The following IQSEC1 variants were observed in gnomAD, a reference collection of about 807,000 sequenced individuals.
IQSEC1 encodes IQ motif and Sec7 domain ArfGEF 1, also known as IQ motif and SEC7 domain-containing protein 1.
A neutral mutation model predicts 91.0 loss-of-function variants in IQSEC1; 31 were observed. That is an observed-to-expected ratio of 0.34 (90% CI 0.26 to 0.46). The LOEUF is 0.46. Ranked by LOEUF, IQSEC1 falls within the 20% of genes least tolerant of loss-of-function variation. The pLI is 1.00. For synonymous variants in IQSEC1, 699 were observed against 662.6 expected (o/e 1.05, Z -0.84); for missense variants, 1,388 against 1,575.6 (o/e 0.88, Z 2.02).
chr3:13,157,436 G>A (rs1469948205), intron 2 of IQSEC1, among the ~76,000 whole-genome samples: 1 of 152,158 alleles, frequency 6.6e-6, no homozygotes. Context: ...TCTGAAAGCA[G>A]GCTGAGGGTA....
chr3:13,185,462 C>T (rs1693914707), intron 1 of IQSEC1, among the ~76,000 whole-genome samples: 1 of 152,214 alleles, frequency 6.6e-6, no homozygotes, highest in African/African-American at 2.4e-5. Context: ...TTGTTCTCCA[C>T]AGGGTCCTGT....
chr3:13,278,052 C>T (rs1389798779), intron 1 of IQSEC1, among the ~76,000 whole-genome samples: 1 of 152,206 alleles, frequency 6.6e-6, no homozygotes, highest in Non-Finnish European at 1.5e-5. Flanking sequence ...ACTGACGTGC[C>T]GCCGTACGGT....
At chr3:13,036,944 G>T (rs2125025799) in intron 1 of IQSEC1, among the ~76,000 whole-genome samples, 1 of 152,290 alleles carries the variant, frequency 6.6e-6, no homozygotes, top group Non-Finnish European at 1.5e-5. Context: ...GTCAGCGTGT[G>T]GGCAGAGTTC....
rs1695816331 is a variant in IQSEC1, at chr3:13,282,603, A to G, written c.272+108T>C. Among the ~76,000 whole-genome samples the G allele has an allele frequency of 6.6e-6, 1 of 151,202 alleles. No homozygotes were observed. The highest frequency in any genetic ancestry group is 2.4e-5 in the African/African-American group (1 of 41,104). On this transcript the variant is annotated intron_variant, in intron 1 of 15. Coordinates refer to the IQSEC1 transcript ENST00000648114. This position sits in a 1 kb window ranked among gnomAD's most constrained non-coding sequence, Gnocchi z 6.4. The stretch of plus-strand genomic sequence containing the variant: ...GGGTGTGGGCGCTCCCGGGCCGGCC[A>G]CGCGCCCTCCCGCACCCGCCCACCT...
intron 1 of IQSEC1, among the ~76,000 whole-genome samples, chr3:13,068,430 G>A (rs555819786): frequency 6.6e-6 from 1 of 152,332 alleles, no homozygotes; most frequent in East Asian, 1.9e-4. Context: ...CCTGGGCCCT[G>A]GCCTTGCAAA....
chr3:12,972,626 G>C (rs924734800), intron 1 of IQSEC1, among the ~76,000 whole-genome samples: 16 of 152,220 alleles, frequency 1.1e-4, no homozygotes, highest in African/African-American at 3.9e-4. Flanking sequence ...GGGTCTGCGA[G>C]GGAGCTCTGC....
At chr3:13,093,449 A>G (rs758459221) in intron 2 of IQSEC1, among the ~76,000 whole-genome samples, 1 of 152,014 alleles carries the variant, frequency 6.6e-6, no homozygotes, top group Non-Finnish European at 1.5e-5. Context: ...AGCTTCCTCC[A>G]CAGGAGGAGC....
intron 1 of IQSEC1, among the ~76,000 whole-genome samples, chr3:13,271,869 C>G (rs1695595851): frequency 6.6e-6 from 1 of 152,118 alleles, no homozygotes. Flanking sequence ...ACCTCACTTT[C>G]AATAATAAAC....
intron 2 of IQSEC1, among the ~76,000 whole-genome samples, chr3:13,107,887 C>T (rs539894261): frequency 1.1e-4 from 17 of 152,378 alleles, no homozygotes; most frequent in Admixed American, 6.5e-4. Context: ...ACTTGCTGAG[C>T]TCATGCCTGC....
intron 2 of IQSEC1, among the ~76,000 whole-genome samples, chr3:13,149,823 A>C (rs1429941925): frequency 6.6e-6 from 1 of 152,198 alleles, no homozygotes; most frequent in Non-Finnish European, 1.5e-5. Context: ...GATACCACAG[A>C]GGGACCCCTG....
chr3:13,105,409 G>A (rs1021469533), intron 2 of IQSEC1, among the ~76,000 whole-genome samples: 9 of 152,110 alleles, frequency 5.9e-5, no homozygotes, highest in Non-Finnish European at 1.0e-4. Flanking sequence ...GACAGATGCC[G>A]CTCAGGGACA....
rs1487453410 is a variant in IQSEC1, at chr3:12,906,008, GC to G, written c.2755+2340del. Among the ~76,000 whole-genome samples, 3 of 152,232 alleles carry G rather than the reference GC, an allele frequency of 2.0e-5. No homozygotes were observed. The East Asian group carries it at 5.8e-4, about 29-fold the overall frequency. Reference sequence around the variant, plus strand: ...ACGCCAGGCAATGCACTGCAGTGGGGCCGGCGCCAGCCCCCTTCCCTCTAAC... The same window carrying G: ...ACGCCAGGCAATGCACTGCAGTGGGGCGGCGCCAGCCCCCTTCCCTCTAAC... On this transcript the variant is annotated intron_variant, in intron 12 of 13. Transcript: ENST00000613206.
chr3:12,967,976 C>T lies in IQSEC1; in HGVS notation c.24-26111G>A, dbSNP rs1700711944. ...AGGCGCGGGGTGCAGAGCGCAAGGG[C>T]GGAGTCCCAGACACTGCATCCAGGT... On this transcript the variant is annotated intron_variant, in intron 1 of 13. Transcript: ENST00000613206. The surrounding 1 kb of genome is among the most constrained non-coding windows in gnomAD (Gnocchi z 5.9). Among the ~76,000 whole-genome samples, 1 of 152,154 alleles carries T rather than the reference C, an allele frequency of 6.6e-6. No individual in the cohort carries two copies.
chr3:13,163,688 G>T (rs1693397616), intron 2 of IQSEC1, among the ~76,000 whole-genome samples: 1 of 152,178 alleles, frequency 6.6e-6, no homozygotes, highest in Non-Finnish European at 1.5e-5. Flanking sequence ...GTTAGAGGCT[G>T]GTTAGAGCCG....
At chr3:13,014,610 G>T (rs917754596) in intron 1 of IQSEC1, among the ~76,000 whole-genome samples, 2 of 152,190 alleles carry the variant, frequency 1.3e-5, no homozygotes, top group Non-Finnish European at 2.9e-5. Context: ...GCCAGGGCTG[G>T]GGTGGGGGAG....
intron 1 of IQSEC1, among the ~76,000 whole-genome samples, chr3:13,001,796 C>G (rs138683531): frequency 2.0e-5 from 3 of 152,166 alleles, no homozygotes; most frequent in African/African-American, 7.2e-5. Flanking sequence ...CGATGGCTCA[C>G]GCCTGTAATC....
chr3:12,950,787 C>T (rs962368374), intron 1 of IQSEC1, among the ~76,000 whole-genome samples: 4 of 152,010 alleles, frequency 2.6e-5, no homozygotes, highest in Admixed American at 6.6e-5. Context: ...GGACTACAGG[C>T]ACCCACCACC....
intron 1 of IQSEC1, among the ~76,000 whole-genome samples, chr3:13,202,839 G>A (rs1169801805): frequency 1.3e-5 from 2 of 152,210 alleles, no homozygotes; most frequent in African/African-American, 4.8e-5. Context: ...CCTACTGTGA[G>A]GGCTGGAAAG....
At chr3:13,179,946 C>T (rs1693808019) in intron 1 of IQSEC1, among the ~76,000 whole-genome samples, 2 of 152,346 alleles carry the variant, frequency 1.3e-5, no homozygotes, top group East Asian at 3.9e-4. Flanking sequence ...AGCTGCCTTC[C>T]CGTGGGGCAG....
Sources: allele counts gnomAD v4.1 joint callset (sites outside exome capture counted in the v4.1 genomes callset), GRCh38; gene constraint gnomAD v4.1.1; non-coding constraint Gnocchi (gnomAD v3.1); transcripts MANE v1.5; gene names NCBI Gene and HGNC (gene_info 2026-07-23, HGNC 2026-07-21).